UNC5C: variants seen among roughly 807,000 people sequenced by gnomAD.
The protein encoded by UNC5C is unc-5 netrin receptor C, also known as netrin receptor UNC5C.
Under a neutral mutation model 99.8 loss-of-function variants are expected in UNC5C, and 47 were observed. The observed-to-expected ratio is 0.47, with a 90% CI of 0.37 to 0.60. The LOEUF (loss-of-function observed/expected upper bound fraction) is 0.60, where lower values mean the gene tolerates loss of function less well. Among genes scored for constraint, UNC5C ranks in the 20% least tolerant of loss-of-function variants. The pLI, the probability that UNC5C is intolerant of heterozygous loss-of-function variation, is 0.00. For synonymous variants in UNC5C, 487 were observed against 452.2 expected (o/e 1.08, Z -0.98); for missense variants, 1,062 against 1,165.9 (o/e 0.91, Z 1.30).
chr4:95,428,616 A>G (rs556525681), intron 1 of UNC5C, among the ~76,000 whole-genome samples: 45 of 152,264 alleles, frequency 3.0e-4, no homozygotes, highest in Middle Eastern at 3.4e-3. Context: ...TGATGGCCAT[A>G]TAGTGAGCAA....
chr4:95,253,213 G>T (rs1354874928), intron 4 of UNC5C, among the ~76,000 whole-genome samples: 1 of 152,096 alleles, frequency 6.6e-6, no homozygotes, highest in Non-Finnish European at 1.5e-5. Context: ...TGCCTCTGGA[G>T]AACCCATAGC....
chr4:95,423,439 T>A (rs1746375344), intron 1 of UNC5C, among the ~76,000 whole-genome samples: 1 of 152,146 alleles, frequency 6.6e-6, no homozygotes, highest in Admixed American at 6.5e-5. Flanking sequence ...AGTAACGCCA[T>A]GGAATTACGA....
In UNC5C at chr4:95,399,136, C is replaced by T. The variant is rs537929859; in HGVS notation, c.125-63505G>A. Among the ~76,000 whole-genome samples the T allele has an allele frequency of 3.3e-5, 5 of 152,162 alleles. No individual in the cohort carries two copies. In the East Asian group the frequency reaches 9.7e-4, roughly 29 times the overall value. On this transcript the variant is annotated intron_variant, in intron 1 of 15. Transcript: ENST00000453304. ...GATAACAAATATGAACAGAAGTATG[C>T]CACCTGCAATGTTTTTAAGTCCCTA...
intron 1 of UNC5C, among the ~76,000 whole-genome samples, chr4:95,401,934 C>T (rs1745712143): frequency 6.6e-6 from 1 of 152,154 alleles, no homozygotes; most frequent in African/African-American, 2.4e-5. Context: ...GTCAAGGATG[C>T]CTTTTCGAAA....
intron 7 of UNC5C, among the ~76,000 whole-genome samples, chr4:95,228,828 C>T (rs142592430): frequency 0.031 from 4,712 of 152,120 alleles, 99 homozygotes; most frequent in South Asian, 0.074. Flanking sequence ...ACTTATAAAG[C>T]CAAAAATAGC....
chr4:95,333,084 A>G (rs1743185133), intron 2 of UNC5C, among the ~76,000 whole-genome samples: 1 of 152,172 alleles, frequency 6.6e-6, no homozygotes, highest in Admixed American at 6.5e-5. Flanking sequence ...GGTGCTAGAG[A>G]GGGTGTGGAG....
At chr4:95,183,117 TCA>T (rs2149350649) in intron 13 of UNC5C, 56 bp from the exon 14 acceptor site, 3 of 1,535,368 alleles carry the variant, frequency 2.0e-6, no homozygotes, top group Non-Finnish European at 2.7e-6. Flanking sequence ...AAAATAACTC[TCA>T]GATGGTCTGC....
At chr4:95,370,302 T>C (rs1744705645) in intron 1 of UNC5C, among the ~76,000 whole-genome samples, 1 of 152,030 alleles carries the variant, frequency 6.6e-6, no homozygotes, top group Non-Finnish European at 1.5e-5. Flanking sequence ...ATTTCATTTG[T>C]TTTTTTAATG....
intron 1 of UNC5C, among the ~76,000 whole-genome samples, chr4:95,469,707 T>G (rs533549000): frequency 3.2e-4 from 49 of 152,158 alleles, no homozygotes; most frequent in Non-Finnish European, 6.0e-4. Context: ...TGACTTTTTT[T>G]CTGCTTCTTG....
Position 95,305,534 on chromosome 4 carries a change from T to C in UNC5C, c.347-3785A>G, listed in dbSNP as rs191875055. 6.6e-4 allele frequency among the ~76,000 whole-genome samples: 100 copies of C among 152,240 alleles called. No individual in the cohort carries two copies. The Middle Eastern group carries it at 0.01, about 16-fold the overall frequency. ...GAGCATTTGGGAACCTGAAATTGGT[T>C]TCAGGTTATTTAAGGGTGGGGGAAA... On this transcript the variant is annotated intron_variant, in intron 2 of 15. Transcript: ENST00000453304.
At chr4:95,285,667 AC>A (rs1230329162) in intron 3 of UNC5C, among the ~76,000 whole-genome samples, 2 of 152,120 alleles carry the variant, frequency 1.3e-5, no homozygotes, top group East Asian at 3.9e-4. Flanking sequence ...GAGTGTTATG[AC>A]CCTTGAGAGG....
intron 11 of UNC5C, among the ~76,000 whole-genome samples, chr4:95,204,418 G>A (rs767383657): frequency 6.6e-6 from 1 of 152,186 alleles, no homozygotes; most frequent in Non-Finnish European, 1.5e-5. Flanking sequence ...AAGGAGGAAT[G>A]ATGGAGACTG....
intron 1 of UNC5C, among the ~76,000 whole-genome samples, chr4:95,541,432 G>A (rs1489797246): frequency 6.6e-6 from 1 of 152,026 alleles, no homozygotes; most frequent in South Asian, 2.1e-4. Flanking sequence ...TGGGGGTCTT[G>A]GAAAGTATCT....
intron 1 of UNC5C, among the ~76,000 whole-genome samples, chr4:95,517,102 T>C (rs1484975659): frequency 6.6e-6 from 1 of 152,142 alleles, no homozygotes; most frequent in Admixed American, 6.5e-5. Flanking sequence ...AGGCCAAATG[T>C]CATAGCATAT....
intron 1 of UNC5C, among the ~76,000 whole-genome samples, chr4:95,477,312 A>G (rs34079877): frequency 0.045 from 6,909 of 152,158 alleles, 179 homozygotes; most frequent in Middle Eastern, 0.12. Flanking sequence ...ATATGAAATG[A>G]TCACAAAATG....
chr4:95,221,562 T>G (rs1738469240), intron 7 of UNC5C, among the ~76,000 whole-genome samples: 1 of 152,224 alleles, frequency 6.6e-6, no homozygotes, highest in African/African-American at 2.4e-5. Flanking sequence ...TCTATCTCTT[T>G]TGGCATTTTG....
intron 12 of UNC5C, among the ~76,000 whole-genome samples, chr4:95,199,414 G>A (rs1737562515): frequency 6.6e-6 from 1 of 152,042 alleles, no homozygotes; most frequent in East Asian, 1.9e-4. Flanking sequence ...GCCATGAGGT[G>A]CAAGAAAGCC....
intron 1 of UNC5C, among the ~76,000 whole-genome samples, chr4:95,538,491 G>A (rs1722833958): frequency 6.6e-6 from 1 of 152,122 alleles, no homozygotes; most frequent in Admixed American, 6.6e-5. Context: ...GCATTAAACA[G>A]GCAACCTCCC....
intron 1 of UNC5C, among the ~76,000 whole-genome samples, chr4:95,480,639 A>C (rs1721117922): frequency 6.6e-6 from 1 of 152,098 alleles, no homozygotes; most frequent in Admixed American, 6.6e-5. Context: ...ATCCAGCAGC[A>C]CATCAAAAAG....
Sources: allele counts gnomAD v4.1 joint callset (sites outside exome capture counted in the v4.1 genomes callset), GRCh38; gene constraint gnomAD v4.1.1; transcripts MANE v1.5; gene names NCBI Gene and HGNC (gene_info 2026-07-23, HGNC 2026-07-21).